Variants in KCNIP4 observed in about 807,000 individuals in gnomAD.
KCNIP4 encodes potassium voltage-gated channel interacting protein 4.
Under a neutral mutation model 34.0 loss-of-function variants are expected in KCNIP4, and 12 were observed. That is an observed-to-expected ratio of 0.35 (90% CI 0.23 to 0.57). The LOEUF is 0.57. Ranked by LOEUF, KCNIP4 falls within the 20% of genes least tolerant of loss-of-function variation. KCNIP4 has a pLI of 0.83. For synonymous variants in KCNIP4, 124 were observed against 102.2 expected, an observed-to-expected ratio of 1.21 and a Z score of -1.29; for missense variants, 238 against 311.7, an observed-to-expected ratio of 0.76 and a Z score of 1.78.
intron 1 of KCNIP4, among the ~76,000 whole-genome samples, chr4:21,634,109 C>T (rs954776882): frequency 6.6e-6 from 1 of 151,186 alleles, no homozygotes; most frequent in Non-Finnish European, 1.5e-5. Context: ...AGGTCCACAC[C>T]TCATTAATGA....
intron 1 of KCNIP4, among the ~76,000 whole-genome samples, chr4:21,467,946 G>C (rs1159066562): frequency 6.6e-6 from 1 of 152,108 alleles, no homozygotes; most frequent in Non-Finnish European, 1.5e-5. Flanking sequence ...GCAAGCCTTG[G>C]GTAGCACCAG....
chr4:20,919,413 A>G (rs1289022593), intron 1 of KCNIP4, among the ~76,000 whole-genome samples: 1 of 150,206 alleles, frequency 6.7e-6, no homozygotes, highest in East Asian at 1.9e-4. Flanking sequence ...ACATTAAAAA[A>G]AAAAGATAGA....
intron 1 of KCNIP4, among the ~76,000 whole-genome samples, chr4:21,191,500 T>C (rs1024305204): frequency 6.6e-6 from 1 of 152,158 alleles, no homozygotes; most frequent in Admixed American, 6.6e-5. Context: ...ATCAGAGCCC[T>C]TTCTGAGTAT....
chr4:20,950,484 T>A (rs1301838974), intron 1 of KCNIP4, among the ~76,000 whole-genome samples: 9 of 152,070 alleles, frequency 5.9e-5, no homozygotes, highest in Admixed American at 5.9e-4. Flanking sequence ...TCTTTGATAT[T>A]GAAAAACATT....
chr4:21,748,426 T>C (rs1716925821), intron 1 of KCNIP4, among the ~76,000 whole-genome samples: 1 of 152,194 alleles, frequency 6.6e-6, no homozygotes, highest in Admixed American at 6.5e-5. Context: ...GAAATCCTGA[T>C]TTTGTTGTTA....
chr4:21,200,538 A>G (rs1363185602), intron 1 of KCNIP4, among the ~76,000 whole-genome samples: 3 of 151,962 alleles, frequency 2.0e-5, no homozygotes, highest in Non-Finnish European at 4.4e-5. Context: ...TAACTCAGGA[A>G]TGGAAAACCA....
intron 3 of KCNIP4, among the ~76,000 whole-genome samples, chr4:20,810,469 G>C (rs1402120377): frequency 1.3e-5 from 2 of 151,478 alleles, no homozygotes; most frequent in African/African-American, 4.9e-5. Flanking sequence ...AGGGGGGAGA[G>C]AGAGAGAGAG....
At chr4:20,988,300 A>T (rs562558061) in intron 1 of KCNIP4, among the ~76,000 whole-genome samples, 9 of 152,266 alleles carry the variant, frequency 5.9e-5, no homozygotes, top group African/African-American at 2.2e-4. Context: ...ATTGACAGAA[A>T]CTCTTAGGAA....
At position 20,988,000 on chromosome 4, in the gene KCNIP4, C is replaced by CAAAAAAAAAAAAAAA. The variant is rs36044149; in HGVS notation, c.62-105306_62-105292dup. On this transcript the variant is annotated intron_variant, in intron 1 of 8. Transcript: ENST00000382152. ...TGGGCGACACGGCGAGATTCCATCTCAAAAAAAAAAAAAAAAAAAAAATTA... is the reference window on the plus strand; with the variant it reads ...TGGGCGACACGGCGAGATTCCATCTCAAAAAAAAAAAAAAAAAAAAAAAAAAAAAAAAAAAAATTA... Among the ~76,000 whole-genome samples the CAAAAAAAAAAAAAAA allele has an allele frequency of 8.3e-3, 385 of 46,296 alleles. 48 individuals are homozygous for CAAAAAAAAAAAAAAA. Among genetic ancestry groups the CAAAAAAAAAAAAAAA allele is most frequent in the African/African-American group, 0.015 (179 of 11,804 alleles). The allele number at this position is 46,296 out of a possible 152,430, so 30.4% of individuals were successfully genotyped here.
intron 1 of KCNIP4, among the ~76,000 whole-genome samples, chr4:21,775,017 G>C (rs1719076965): frequency 6.6e-6 from 1 of 152,162 alleles, no homozygotes; most frequent in South Asian, 2.1e-4. Flanking sequence ...ATCTGGAGGA[G>C]AGGAGCCATT....
chr4:21,262,285 T>G (rs562304335), intron 1 of KCNIP4, among the ~76,000 whole-genome samples: 1 of 152,324 alleles, frequency 6.6e-6, no homozygotes, highest in Non-Finnish European at 1.5e-5. Flanking sequence ...ACTCTGCTCA[T>G]ATCACCTTGG....
At chr4:21,420,090 C>G (rs965013448) in intron 1 of KCNIP4, among the ~76,000 whole-genome samples, 1 of 152,024 alleles carries the variant, frequency 6.6e-6, no homozygotes, top group African/African-American at 2.4e-5. Context: ...TGTATCCTCA[C>G]GAAATAGACA....
At chr4:21,929,742 C>T (rs1729460160) in intron 1 of KCNIP4, among the ~76,000 whole-genome samples, 1 of 152,182 alleles carries the variant, frequency 6.6e-6, no homozygotes, top group African/African-American at 2.4e-5. Flanking sequence ...TCCAAGCCCA[C>T]TGCAATCTGG....
At chr4:21,004,585 G>C (rs1738401119) in intron 1 of KCNIP4, among the ~76,000 whole-genome samples, 1 of 152,186 alleles carries the variant, frequency 6.6e-6, no homozygotes, top group African/African-American at 2.4e-5. Flanking sequence ...TGTTACAGAA[G>C]AGGAGGAGCC....
chr4:20,895,530 A>G (rs964760098), intron 1 of KCNIP4, among the ~76,000 whole-genome samples: 1 of 152,230 alleles, frequency 6.6e-6, no homozygotes, highest in African/African-American at 2.4e-5. Flanking sequence ...CATATAATCC[A>G]TTATAATTTT....
At chr4:21,480,445 A>C (rs777411350) in intron 1 of KCNIP4, among the ~76,000 whole-genome samples, 18 of 152,276 alleles carry the variant, frequency 1.2e-4, no homozygotes, top group Non-Finnish European at 1.9e-4. Context: ...ATAAAGAGTA[A>C]TTAAGAGAAC....
At chr4:21,294,556 C>T (rs895925121) in intron 1 of KCNIP4, among the ~76,000 whole-genome samples, 1 of 152,052 alleles carries the variant, frequency 6.6e-6, no homozygotes, top group Admixed American at 6.6e-5. Flanking sequence ...ATAATTGTGG[C>T]TAATAAGGTT....
chr4:20,737,054 G>A (rs546514847), intron 5 of KCNIP4, among the ~76,000 whole-genome samples: 51 of 152,214 alleles, frequency 3.4e-4, no homozygotes, highest in African/African-American at 1.1e-3. Context: ...CAATAGCTAT[G>A]GAAAGAATAA....
intron 1 of KCNIP4, chr4:21,464,833 T>A (rs1256468291): frequency 1.3e-5 from 2 of 152,138 alleles, no homozygotes; most frequent in Non-Finnish European, 2.9e-5. Context: ...CAGAATTTAT[T>A]TTTAATTTTA....
Sources: gnomAD v4.1 joint callset for allele counts (sites outside exome capture counted in the v4.1 genomes callset) on GRCh38, gnomAD v4.1.1 for gene constraint, MANE v1.5 for transcripts, NCBI Gene and HGNC (gene_info 2026-07-23, HGNC 2026-07-21) for gene names.